RARG: variants seen among roughly 807,000 people sequenced by gnomAD.
RARG encodes the protein RAR-gamma.
RARG carries 17 observed loss-of-function variants against 43.7 expected under a neutral mutation model. The observed-to-expected ratio is 0.39, with a 90% CI of 0.27 to 0.58. RARG has a LOEUF of 0.58. Ranked by LOEUF, RARG falls within the 20% of genes least tolerant of loss-of-function variation. The probability of loss-of-function intolerance (pLI) is 0.57; values close to 1 mark genes in which losing one functional copy is unlikely to be tolerated. For synonymous variants in RARG, 238 were observed against 236.4 expected (o/e 1.01, Z -0.06); for missense variants, 346 against 598.7 (o/e 0.58, Z 4.40).
chr12:53,231,449 A>G (rs1943234554), intron 1 of RARG: 1 of 152,220 alleles, frequency 6.6e-6, no homozygotes, highest in African/African-American at 2.4e-5. Context: ...ACAGATCCCT[A>G]TCCTATGCAC....
intron 3 of RARG, among the ~76,000 whole-genome samples, chr12:53,219,097 T>C (rs1465057): frequency 0.23 from 35,386 of 152,020 alleles, 6,913 homozygotes; most frequent in African/African-American, 0.53. Context: ...AGGGGGAAGA[T>C]AGATATTTGG....
At chr12:53,225,216 G>C (rs1943076947) in intron 3 of RARG, among the ~76,000 whole-genome samples, 1 of 152,190 alleles carries the variant, frequency 6.6e-6, no homozygotes, top group African/African-American at 2.4e-5. Flanking sequence ...ACTTTGTGCT[G>C]TCTTGTTCAC....
chr12:53,230,836 CGTGTGTGTGTGTGTGT>C lies in RARG; in HGVS notation c.-143+317_-143+332del, dbSNP rs59367849. Among the ~76,000 whole-genome samples the C allele has an allele frequency of 9.5e-3, 1,137 of 120,000 alleles. 20 individuals are homozygous for C. The highest frequency in any genetic ancestry group is 0.034 in the African/African-American group (1,056 of 31,188). The allele number at this position is 120,000 out of a possible 152,430, so 78.7% of individuals were successfully genotyped here. On this transcript the variant is annotated intron_variant, in intron 2 of 9. Coordinates refer to ENST00000425354, the MANE Select transcript of RARG (RefSeq NM_000966.6). The stretch of plus-strand genomic sequence containing the variant: ...GCCTACTAGGCTGTAGGCCACAGTG[CGTGTGTGTGTGTGTGT>C]GTGTGTGTGTGTGTGTGTGTGTGTG...
intron 3 of RARG, chr12:53,220,457 T>A: frequency 1.2e-5 from 8 of 693,280 alleles, no homozygotes; most frequent in Admixed American, 4.0e-5. Context: ...AAGCTGAGAG[T>A]GGAGCGCACA....
chr12:53,223,742 C>T (rs7969717), intron 3 of RARG, among the ~76,000 whole-genome samples: 1 of 152,030 alleles, frequency 6.6e-6, no homozygotes, highest in Non-Finnish European at 1.5e-5. Flanking sequence ...CACCTTTGGG[C>T]CTGGGTAGCT....
intron 3 of RARG, chr12:53,220,295 G>T: frequency 1.4e-6 from 2 of 1,425,410 alleles, no homozygotes; most frequent in South Asian, 3.1e-5. Flanking sequence ...ACTGGGCGGG[G>T]CGCGAAGCTG....
chr12:53,227,243 G>A lies in RARG; in HGVS notation c.184+119C>T, dbSNP rs905317891. 3 of 1,127,588 alleles carry A rather than the reference G, an allele frequency of 2.7e-6. No individual in the cohort carries two copies. The highest frequency in any genetic ancestry group is 3.7e-6 in the Non-Finnish European group (3 of 810,082). 69.8% of individuals were successfully genotyped at this position (1,127,588 alleles called of 1,614,324 possible). A position where few individuals can be genotyped will look rare whatever the true frequency, so the allele number is the denominator to read the frequency against. On this transcript the variant is annotated intron_variant, in intron 3 of 9. Coordinates refer to ENST00000425354, the MANE Select transcript of RARG (RefSeq NM_000966.6). The surrounding 1 kb of genome is among the most constrained non-coding windows in gnomAD (Gnocchi z 4.3). The stretch of plus-strand genomic sequence containing the variant: ...TCCATTATTCACTACTACTCCATTA[G>A]GCCAAACCCCTGTCCCCTGCCTGCC...
Position 53,231,230 on chromosome 12 carries a change from T to G in RARG, c.-204A>C, listed in dbSNP as rs1488006829. 6.6e-6 allele frequency: 1 copy of G among 152,234 alleles called. No homozygotes were observed. Among genetic ancestry groups the G allele is most frequent in the Non-Finnish European group, 1.5e-5 (1 of 68,056 alleles). The allele number at this position is 152,234 out of a possible 1,614,324, so 9.4% of individuals were successfully genotyped here. On this transcript the variant is annotated 5_prime_UTR_variant, in exon 2 of 10. Transcript: ENST00000425354. The stretch of plus-strand genomic sequence containing the variant: ...GGGTCAGGTTGAGGGAACTGGGCCG[T>G]AGCTGCTAAAGACAGAGAGGCAGCG...
At chr12:53,225,804 C>T (rs1226177735) in intron 3 of RARG, among the ~76,000 whole-genome samples, 1 of 152,200 alleles carries the variant, frequency 6.6e-6, no homozygotes, top group Non-Finnish European at 1.5e-5. Context: ...AGGCCCAAGC[C>T]TTGGCTGCTG....
intron 2 of RARG, chr12:53,230,088 T>C (rs1592452599): frequency 1.1e-5 from 7 of 632,672 alleles, no homozygotes; most frequent in Admixed American, 6.3e-5. Flanking sequence ...AAACCCAGGG[T>C]AGGAGAATGG....
chr12:53,211,881 A>G lies in RARG; in HGVS notation c.1178-18T>C, dbSNP rs1390382462. ...TTCAGCTCCTACAATGGAGAGAGAA[A>G]GAGAGAGGCTCAGGAGGACAGAGGC... On this transcript the variant is annotated intron_variant, in intron 9 of 9. Transcript: ENST00000425354. This position sits in a 1 kb window ranked among gnomAD's most constrained non-coding sequence, Gnocchi z 4.6. 4 of 1,409,042 alleles carry G rather than the reference A, an allele frequency of 2.8e-6. No individual in the cohort carries two copies. Among genetic ancestry groups the G allele is most frequent in the Non-Finnish European group, 1.9e-6 (2 of 1,061,800 alleles). 87.3% of individuals were successfully genotyped at this position (1,409,042 alleles called of 1,614,324 possible). A position where few individuals can be genotyped will look rare whatever the true frequency, so the allele number is the denominator to read the frequency against.
chr12:53,227,662 G>C lies in RARG; in HGVS notation c.-117C>G. The C allele has an allele frequency of 7.5e-7, 1 of 1,336,012 alleles. No individual in the cohort carries two copies. Among genetic ancestry groups the C allele is most frequent in the South Asian group, 1.9e-5 (1 of 52,022 alleles). 82.8% of individuals were successfully genotyped at this position (1,336,012 alleles called of 1,614,324 possible). A position where few individuals can be genotyped will look rare whatever the true frequency, so the allele number is the denominator to read the frequency against. On this transcript the variant is annotated 5_prime_UTR_variant, in exon 3 of 10. Coordinates refer to ENST00000425354, the MANE Select transcript of RARG (RefSeq NM_000966.6). This position sits in a 1 kb window ranked among gnomAD's most constrained non-coding sequence, Gnocchi z 4.3. Reference sequence around the variant, plus strand: ...GGAGGCTCCGTACCCGCCCTGCCTGGCCTGCCCACTGGGCCTCCAAAAGTC... The same window carrying C: ...GGAGGCTCCGTACCCGCCCTGCCTGCCCTGCCCACTGGGCCTCCAAAAGTC...
At chr12:53,225,090 CAGA>C (rs1358262800) in intron 3 of RARG, among the ~76,000 whole-genome samples, 1 of 152,174 alleles carries the variant, frequency 6.6e-6, no homozygotes, top group African/African-American at 2.4e-5. Context: ...GGTTCTCTGC[CAGA>C]AGTACATTCA....
Position 53,215,599 on chromosome 12 carries a change from C to A in RARG, c.333+47G>T. ...TCTGTGTGCCTGGTCTCTCATCTTA[C>A]TAGGGTAACTGGATCCCCCGTCTGC... On this transcript the variant is annotated intron_variant, in intron 4 of 9. Coordinates refer to ENST00000425354, the MANE Select transcript of RARG (RefSeq NM_000966.6). The surrounding 1 kb of genome is among the most constrained non-coding windows in gnomAD (Gnocchi z 6.4). 1 of 1,594,238 alleles carries A rather than the reference C, an allele frequency of 6.3e-7. No homozygotes were observed.
chr12:53,221,016 C>G (rs1430045490), intron 3 of RARG, among the ~76,000 whole-genome samples: 2 of 151,982 alleles, frequency 1.3e-5, no homozygotes, highest in Non-Finnish European at 1.5e-5. Flanking sequence ...CCCGTCTCCC[C>G]ACCCGCGGTC....
intron 6 of RARG, 41 bp from the exon 7 acceptor site, chr12:53,214,276 G>A: frequency 1.3e-6 from 2 of 1,578,788 alleles, no homozygotes; most frequent in South Asian, 1.1e-5. Context: ...GCAAGCTAAG[G>A]CCCACCTCTG....
intron 3 of RARG, among the ~76,000 whole-genome samples, chr12:53,221,649 G>C (rs1942966156): frequency 2.6e-5 from 4 of 152,118 alleles, no homozygotes; most frequent in African/African-American, 7.2e-5. Flanking sequence ...GGCCACGTCA[G>C]AAGTTTGCCC....
intron 2 of RARG, among the ~76,000 whole-genome samples, chr12:53,228,172 C>T (rs113879130): frequency 8.5e-5 from 13 of 152,240 alleles, no homozygotes; most frequent in African/African-American, 3.1e-4. Context: ...AACCTGGGAG[C>T]CCTACAGCTC....
At position 53,213,167 on chromosome 12, in the gene RARG, GGCGTACAGC is replaced by G; in HGVS notation, c.1086_1094del (p.Arg362_Ala365delinsSer). 1 of 1,613,082 alleles carries G rather than the reference GGCGTACAGC, an allele frequency of 6.2e-7. No individual in the cohort carries two copies. On this transcript the variant is annotated inframe_deletion, in exon 9 of 10. Transcript: ENST00000425354. The surrounding 1 kb of genome is among the most constrained non-coding windows in gnomAD (Gnocchi z 4.7). ...AGGGCTGGCTGGGCCGCCGGCGCCG[GGCGTACAGC>G]CTCAGGGCTTCCAGCAGTGGCTCCT...
Sources: gnomAD v4.1 joint callset for allele counts (sites outside exome capture counted in the v4.1 genomes callset) on GRCh38, gnomAD v4.1.1 for gene constraint, Gnocchi (gnomAD v3.1) non-coding constraint, MANE v1.5 for transcripts, NCBI Gene and HGNC (gene_info 2026-07-23, HGNC 2026-07-21) for gene names.